SUGCT: variants seen among roughly 807,000 people sequenced by gnomAD.
SUGCT encodes the protein succinyl-CoA:glutarate-CoA transferase.
A neutral mutation model predicts 55.0 loss-of-function variants in SUGCT; 41 were observed. That is an observed-to-expected ratio of 0.74 (90% CI 0.58 to 0.97). The LOEUF (loss-of-function observed/expected upper bound fraction) is 0.97. Among genes scored for constraint, SUGCT ranks in the 50% least tolerant of loss-of-function variants. The pLI is 0.00. For missense variants in SUGCT, 568 were observed against 547.8 expected, an observed-to-expected ratio of 1.04 and a Z score of -0.37; for synonymous variants, 187 against 200.4, an observed-to-expected ratio of 0.93 and a Z score of 0.56.
the SUGCT span, among the ~76,000 whole-genome samples, chr7:40,867,140 A>T: frequency 2.0e-5 from 3 of 148,520 alleles, no homozygotes; most frequent in Admixed American, 1.3e-4. Flanking sequence ...ATATAATAAG[A>T]TTAATATATA....
At chr7:40,886,831 G>C in the SUGCT span, among the ~76,000 whole-genome samples, 2 of 152,182 alleles carry the variant, frequency 1.3e-5, no homozygotes, top group Admixed American at 1.3e-4. Context: ...TGACAGGTCC[G>C]AACTATTGGA....
At chr7:40,174,520 C>T (rs1041028124) in intron 1 of SUGCT, among the ~76,000 whole-genome samples, 5 of 152,148 alleles carry the variant, frequency 3.3e-5, no homozygotes, top group African/African-American at 1.2e-4. Context: ...TGCCTGTAGC[C>T]TCAGCTACTT....
At chr7:40,541,966 G>T (rs1562849153) in intron 12 of SUGCT, among the ~76,000 whole-genome samples, 1 of 152,162 alleles carries the variant, frequency 6.6e-6, no homozygotes, top group Non-Finnish European at 1.5e-5. Flanking sequence ...ACAGGGAGCT[G>T]TCACAGGTAG....
intron 12 of SUGCT, among the ~76,000 whole-genome samples, chr7:40,679,590 TTGC>T (rs1784151533): frequency 6.6e-6 from 1 of 152,166 alleles, no homozygotes; most frequent in Non-Finnish European, 1.5e-5. Flanking sequence ...CTTTCCCACT[TTGC>T]TGCTGTTCTG....
intron 12 of SUGCT, among the ~76,000 whole-genome samples, chr7:40,729,056 G>C (rs926449138): frequency 1.3e-5 from 2 of 152,170 alleles, no homozygotes; most frequent in African/African-American, 2.4e-5. Context: ...AGAGCCTACA[G>C]TCAGACACTA....
intron 12 of SUGCT, among the ~76,000 whole-genome samples, chr7:40,664,432 A>T (rs1388314907): frequency 1.3e-5 from 2 of 152,112 alleles, no homozygotes; most frequent in Non-Finnish European, 2.9e-5. Flanking sequence ...TCACCTGGGG[A>T]GCTTTTAAAA....
the SUGCT span, among the ~76,000 whole-genome samples, chr7:40,988,841 A>G: frequency 6.6e-6 from 1 of 152,156 alleles, no homozygotes; most frequent in African/African-American, 2.4e-5. Context: ...TCCAGTTAAT[A>G]TATGGCTTTG....
the SUGCT span, among the ~76,000 whole-genome samples, chr7:40,940,845 A>C: frequency 6.6e-6 from 1 of 151,952 alleles, no homozygotes; most frequent in Non-Finnish European, 1.5e-5. Flanking sequence ...CCTCTTTCCC[A>C]ATTTGGATGC....
chr7:40,140,270 T>C (rs1787915616), intron 1 of SUGCT, among the ~76,000 whole-genome samples: 1 of 152,210 alleles, frequency 6.6e-6, no homozygotes, highest in South Asian at 2.1e-4. Flanking sequence ...GGCAATCCAA[T>C]TTTCCCAGCA....
intron 12 of SUGCT, among the ~76,000 whole-genome samples, chr7:40,522,700 C>A (rs1212006455): frequency 6.6e-6 from 1 of 151,968 alleles, no homozygotes; most frequent in South Asian, 2.1e-4. Context: ...AGACTGAGTT[C>A]TTCTTTTTCC....
At chr7:40,266,665 T>C (rs1791599568) in intron 7 of SUGCT, among the ~76,000 whole-genome samples, 1 of 152,146 alleles carries the variant, frequency 6.6e-6, no homozygotes, top group African/African-American at 2.4e-5. Context: ...GGTCAGCTTT[T>C]ACTTTTAGTG....
At position 40,467,204 on chromosome 7, in the gene SUGCT, G is replaced by GAAAAAAAA. The variant is rs762283927; in HGVS notation, c.986+8021_986+8028dup. On this transcript the variant is annotated intron_variant, in intron 11 of 13. Transcript: ENST00000335693. ...CGACAGAGCAAGACTCTAAGAAAAA[G>GAAAAAAAA]AAAAAAAAAAAAAAAAAAAAAAGCA... Among the ~76,000 whole-genome samples, 204 of 83,624 alleles carry GAAAAAAAA rather than the reference G, an allele frequency of 2.4e-3. 1 individual carries two copies. The highest frequency in any genetic ancestry group is 5.8e-3 in the African/African-American group (135 of 23,460). The allele number at this position is 83,624 out of a possible 152,430, so 54.9% of individuals were successfully genotyped here.
chr7:40,805,639 T>C (rs1791052081), intron 13 of SUGCT, among the ~76,000 whole-genome samples: 1 of 152,188 alleles, frequency 6.6e-6, no homozygotes, highest in South Asian at 2.1e-4. Flanking sequence ...AAAATATGTT[T>C]GGGGCTCTCC....
At chr7:40,135,182 G>C in intron 1 of SUGCT, 62 bp downstream of exon 1, 1 of 1,494,932 alleles carries the variant, frequency 6.7e-7, no homozygotes, top group Non-Finnish European at 9.0e-7. Flanking sequence ...GCCTCCTCGG[G>C]CGCCCTGAGG....
intron 9 of SUGCT, among the ~76,000 whole-genome samples, chr7:40,420,981 A>C (rs995822391): frequency 6.6e-5 from 10 of 151,900 alleles, no homozygotes; most frequent in African/African-American, 2.4e-4. Flanking sequence ...CCACTTTTCC[A>C]ACTGTGTTTC....
At chr7:40,657,610 C>T (rs562910518) in intron 12 of SUGCT, among the ~76,000 whole-genome samples, 1 of 152,088 alleles carries the variant, frequency 6.6e-6, no homozygotes, top group Non-Finnish European at 1.5e-5. Flanking sequence ...TCTCGGCTCA[C>T]TGCAACCTCT....
the SUGCT span, among the ~76,000 whole-genome samples, chr7:40,967,553 A>C: frequency 6.6e-6 from 1 of 152,338 alleles, no homozygotes; most frequent in South Asian, 2.1e-4. Flanking sequence ...GTACTTGTAT[A>C]AATTCTGGCT....
At chr7:40,303,906 G>C (rs1297355856) in intron 8 of SUGCT, among the ~76,000 whole-genome samples, 2 of 151,980 alleles carry the variant, frequency 1.3e-5, no homozygotes, top group Non-Finnish European at 2.9e-5. Context: ...GACCAGCCTG[G>C]CCAACATGGC....
chr7:40,615,520 G>C (rs1013973591), intron 12 of SUGCT, among the ~76,000 whole-genome samples: 15 of 152,148 alleles, frequency 9.9e-5, no homozygotes, highest in African/African-American at 3.4e-4. Context: ...AGGCCTTGGT[G>C]ACCTTGTTAA....
Sources: allele counts gnomAD v4.1 joint callset (sites outside exome capture counted in the v4.1 genomes callset), GRCh38; gene constraint gnomAD v4.1.1; transcripts MANE v1.5; gene names NCBI Gene and HGNC (gene_info 2026-07-23, HGNC 2026-07-21).